The following ZNF418 variants were observed in gnomAD, a reference collection of about 807,000 sequenced individuals.
The protein encoded by ZNF418 is zinc finger protein 418.
ZNF418 carries 32 observed loss-of-function variants against 32.0 expected under a neutral mutation model. That is an observed-to-expected ratio of 1.00 (90% CI 0.75 to 1.34). The LOEUF (loss-of-function observed/expected upper bound fraction) is 1.34, where lower values mean the gene tolerates loss of function less well. Among genes scored for constraint, ZNF418 ranks in the 40% most tolerant of loss-of-function variants. The pLI is 0.00. For missense variants in ZNF418, 804 were observed against 812.5 expected, an observed-to-expected ratio of 0.99 and a Z score of 0.13; for synonymous variants, 276 against 270.7, an observed-to-expected ratio of 1.02 and a Z score of -0.19.
Position 57,927,901 on chromosome 19 carries a change from T to C in ZNF418, c.280A>G (p.Ile94Val), listed in dbSNP as rs2072314785. 1 of 1,614,106 alleles carries C rather than the reference T, an allele frequency of 6.2e-7. No individual in the cohort carries two copies. Among genetic ancestry groups the C allele is most frequent in the East Asian group, 2.2e-5 (1 of 44,858 alleles). ...CEMCGAILGD[I>V]LHLADHQGTH... Reference sequence around the variant, plus strand: ...CCCTGATGATCTGCCAAGTGCAAAATGTCTCCCAAGATCGCGCCACACATT... The same window carrying C: ...CCCTGATGATCTGCCAAGTGCAAAACGTCTCCCAAGATCGCGCCACACATT... Residue 94 changes from isoleucine to valine, a missense_variant, in exon 4 of 6, where the codon ATT (isoleucine) becomes GTT (valine). Transcript: ENST00000396147.
chr19:57,930,668 AGAG>A, intron 2 of ZNF418, 114 bp from the exon 3 acceptor site: 1 of 1,491,256 alleles, frequency 6.7e-7, no homozygotes, highest in Non-Finnish European at 9.1e-7. Context: ...TCCTCAGCAC[AGAG>A]GAGAAACTAG....
chr19:57,934,255 C>T (rs560158273), intron 1 of ZNF418: 7 of 1,027,534 alleles, frequency 6.8e-6, no homozygotes, highest in Admixed American at 1.1e-4. Flanking sequence ...GCCAGAGTTT[C>T]GCTCTTGTTG....
At chr19:57,928,985 C>T (rs942608388) in intron 3 of ZNF418, among the ~76,000 whole-genome samples, 4 of 134,454 alleles carry the variant, frequency 3.0e-5, no homozygotes, top group Non-Finnish European at 6.2e-5. Context: ...CAAAGAGAGA[C>T]TCCATCTCAA....
At chr19:57,932,373 A>G in intron 2 of ZNF418, 1 of 1,502,960 alleles carries the variant, frequency 6.7e-7, no homozygotes, top group East Asian at 2.5e-5. Context: ...TTATGCCACA[A>G]TGTGGCTGAC....
Position 57,927,449 on chromosome 19 carries a change from G to A in ZNF418, c.732C>T (p.Ser244=), listed in dbSNP as rs143689544. 1.3e-3 allele frequency: 2,020 copies of A among 1,614,196 alleles called. 1 individual carries two copies. The highest frequency in any genetic ancestry group is 1.6e-3 in the Non-Finnish European group (1,847 of 1,180,034). Residue 244 remains serine, a synonymous_variant, in exon 4 of 6, where the codon AGC becomes AGT. Transcript: ENST00000396147. The part of the protein sequence containing the change: ...ECGKSFSKYD[S]VSNHQRVHTG... ...TGTGAACTCTCTGATGATTACTGAC[G>A]CTATCATATTTGCTAAAGGATTTCC...
intron 1 of ZNF418, chr19:57,934,121 A>C: frequency 7.4e-7 from 1 of 1,349,794 alleles, no homozygotes; most frequent in Non-Finnish European, 9.5e-7. Context: ...CTCAGATCAA[A>C]GGACTGAAAA....
rs146628723 is a variant in ZNF418, at chr19:57,926,655, G to C, written c.1526C>G (p.Pro509Arg). 1.9e-6 allele frequency: 3 copies of C among 1,614,074 alleles called. No individual in the cohort carries two copies. The highest frequency in any genetic ancestry group is 2.5e-6 in the Non-Finnish European group (3 of 1,180,026). The change falls in exon 4 of 6, where the codon CCG becomes CGG. Residue 509 changes from proline (P) to arginine (R), a missense_variant. Physicochemically the swap from Pro to Arg is moderately radical, Grantham distance 103. Transcript: ENST00000396147. ...CTTCCCACATTCACTACACTCAAAC[G>C]GTTTTTCTCCAGTGTGAACTCTCTG... ...VHQRVHTGEK[P>R]FECSECGKSF...
At position 57,933,838 on chromosome 19, in the gene ZNF418, A is replaced by G; in HGVS notation, c.-16T>C. ...TCACCTGCATTATGGCAGGAGTTTAAACTCTGATCCTCCTTCCTCCTCCCT... is the reference window on the plus strand; with the variant it reads ...TCACCTGCATTATGGCAGGAGTTTAGACTCTGATCCTCCTTCCTCCTCCCT... On this transcript the variant is annotated 5_prime_UTR_variant, in exon 2 of 6. Transcript: ENST00000396147. 2.5e-6 allele frequency: 4 copies of G among 1,614,122 alleles called. No homozygotes were observed. Among genetic ancestry groups the G allele is most frequent in the Non-Finnish European group, 3.4e-6 (4 of 1,180,034 alleles).
At chr19:57,925,005 C>T (rs143795621) in intron 4 of ZNF418, among the ~76,000 whole-genome samples, 8 of 152,258 alleles carry the variant, frequency 5.3e-5, no homozygotes, top group Admixed American at 1.3e-4. Flanking sequence ...AAGCTGTCTG[C>T]CCCTTTATGA....
In ZNF418 at chr19:57,933,921, G is replaced by A; in HGVS notation, c.-80-19C>T. The A allele has an allele frequency of 6.2e-7, 1 of 1,611,518 alleles. No homozygotes were observed. The highest frequency in any genetic ancestry group is 1.7e-4 in the Middle Eastern group (1 of 6,060). On this transcript the variant is annotated intron_variant, in intron 1 of 5. Coordinates refer to ENST00000396147, the MANE Select transcript of ZNF418 (RefSeq NM_133460.3). ...ATGATGCCTGCAGACAAATGGGACT[G>A]TGGTAACATCACCTCCTCGCCGCCC...
chr19:57,927,546 G>T lies in ZNF418; in HGVS notation c.635C>A (p.Ser212Tyr). 8 of 1,614,224 alleles carry T rather than the reference G, an allele frequency of 5.0e-6. No individual in the cohort carries two copies. The highest frequency in any genetic ancestry group is 6.8e-6 in the Non-Finnish European group (8 of 1,180,036). The change falls in exon 4 of 6, where the codon TCT (serine) becomes TAT (tyrosine). Residue 212 changes from serine (S) to tyrosine (Y), a missense_variant. Ser to Tyr is a moderately radical substitution (Grantham distance 144). Coordinates refer to ENST00000396147, the MANE Select transcript of ZNF418 (RefSeq NM_133460.3). ...TTGAACAAATACGTGTTTGGTGCTAGAATGTTTCATGCATTCTCCACAGCT... is the reference window on the plus strand; with the variant it reads ...TTGAACAAATACGTGTTTGGTGCTATAATGTTTCATGCATTCTCCACAGCT... Reference protein sequence around the residue: ...HYSCGECMKHSSTKHVFVQQQ... With the variant: ...HYSCGECMKHYSTKHVFVQQQ...
In ZNF418 at chr19:57,926,984, C is replaced by T. The variant is rs145102891; in HGVS notation, c.1197G>A (p.Glu399=). 4.9e-4 allele frequency: 791 copies of T among 1,613,720 alleles called. 7 individuals carry two copies. In the African/African-American group the frequency reaches 9.6e-3, roughly 20 times the overall value. The part of the protein sequence containing the change: ...HRVHTRERPY[E]CGECGKSFSR... ...TAAAAGATTTCCCACATTCTCCACA[C>T]TCATAAGGTCGTTCTCTAGTGTGAA... The change falls in exon 4 of 6, where the codon GAG becomes GAA. Residue 399 remains glutamate, a synonymous_variant. Transcript: ENST00000396147.
At chr19:57,934,111 C>A in intron 1 of ZNF418, 1 of 1,375,328 alleles carries the variant, frequency 7.3e-7, no homozygotes. Context: ...CTCCAGTGTT[C>A]TCAGATCAAA....
intron 4 of ZNF418, among the ~76,000 whole-genome samples, chr19:57,925,409 T>A (rs759505084): frequency 1.2e-4 from 18 of 149,880 alleles, no homozygotes; most frequent in Non-Finnish European, 2.7e-4. Context: ...TGCAGTGAGC[T>A]GAGATCACGC....
At chr19:57,923,610 T>C (rs966344744) in intron 4 of ZNF418, among the ~76,000 whole-genome samples, 3 of 150,912 alleles carry the variant, frequency 2.0e-5, no homozygotes, top group Admixed American at 1.3e-4. Context: ...AGTCTTGCTC[T>C]GTCACCCAGG....
At chr19:57,924,363 C>T (rs1184142937) in intron 4 of ZNF418, among the ~76,000 whole-genome samples, 1 of 152,130 alleles carries the variant, frequency 6.6e-6, no homozygotes, top group Non-Finnish European at 1.5e-5. Flanking sequence ...TATCCTCTTC[C>T]TCCTGCCAAT....
intron 2 of ZNF418, chr19:57,932,464 T>C (rs2072524350): frequency 6.5e-7 from 1 of 1,535,286 alleles, no homozygotes; most frequent in African/African-American, 1.4e-5. Flanking sequence ...AGCAATGCAG[T>C]CCCAAGTCAT....
intron 4 of ZNF418, among the ~76,000 whole-genome samples, chr19:57,924,656 G>A (rs148824482): frequency 3.3e-5 from 5 of 152,194 alleles, no homozygotes; most frequent in Admixed American, 2.6e-4. Flanking sequence ...ACCACACTAC[G>A]AAACTCTGGA....
chr19:57,928,862 C>T (rs1404602943), intron 3 of ZNF418, among the ~76,000 whole-genome samples: 2 of 151,950 alleles, frequency 1.3e-5, no homozygotes, highest in South Asian at 2.1e-4. Context: ...GGCGTGGTGG[C>T]GGGCGCCTGT....
Sources: allele counts gnomAD v4.1 joint callset (sites outside exome capture counted in the v4.1 genomes callset), GRCh38; gene constraint gnomAD v4.1.1; transcripts MANE v1.5; gene names NCBI Gene and HGNC (gene_info 2026-07-23, HGNC 2026-07-21).